MARCHF1: variants seen among roughly 807,000 people sequenced by gnomAD.
MARCHF1 encodes E3 ubiquitin-protein ligase MARCHF1.
A neutral mutation model predicts 54.2 loss-of-function variants in MARCHF1; 40 were observed. That is an observed-to-expected ratio of 0.74 (90% CI 0.57 to 0.96). The LOEUF is 0.96. Ranked by LOEUF, MARCHF1 falls within the 40% of genes least tolerant of loss-of-function variation. The pLI is 0.00. For missense variants in MARCHF1, 586 were observed against 656.5 expected, an observed-to-expected ratio of 0.89 and a Z score of 1.17; for synonymous variants, 236 against 236.3, an observed-to-expected ratio of 1.00 and a Z score of 0.01.
intron 7 of MARCHF1, among the ~76,000 whole-genome samples, chr4:163,608,334 G>C (rs1366768341): frequency 6.6e-6 from 1 of 151,988 alleles, no homozygotes; most frequent in Non-Finnish European, 1.5e-5. Context: ...GTCTTGAAAG[G>C]GGTAGGTCTG....
chr4:164,189,472 C>A (rs1472710531), intron 1 of MARCHF1: 7 of 712,370 alleles, frequency 9.8e-6, no homozygotes, highest in Admixed American at 4.3e-5. Context: ...TGGCTCTACT[C>A]GAATTCCAAA....
chr4:164,213,472 T>C (rs1731839085), intron 1 of MARCHF1, among the ~76,000 whole-genome samples: 1 of 151,788 alleles, frequency 6.6e-6, no homozygotes. Flanking sequence ...CCTGACCTCA[T>C]GATTCGCCTG....
intron 2 of MARCHF1, among the ~76,000 whole-genome samples, chr4:163,990,308 AG>A (rs1391939129): frequency 1.3e-5 from 2 of 152,110 alleles, no homozygotes; most frequent in African/African-American, 4.8e-5. Context: ...ACACATTTTC[AG>A]GAGGGCTGCA....
At chr4:164,219,430 T>C (rs181661555) in intron 1 of MARCHF1, among the ~76,000 whole-genome samples, 3 of 152,276 alleles carry the variant, frequency 2.0e-5, no homozygotes, top group Admixed American at 1.3e-4. Context: ...AGTAGTGATA[T>C]ATGATATAGA....
At chr4:163,534,138 A>G (rs1433918702) in intron 9 of MARCHF1, among the ~76,000 whole-genome samples, 2 of 151,984 alleles carry the variant, frequency 1.3e-5, no homozygotes, top group Non-Finnish European at 2.9e-5. Context: ...ATAAACTTCT[A>G]CTAATCTTTC....
At chr4:164,200,164 G>C (rs1174558299) in intron 1 of MARCHF1, among the ~76,000 whole-genome samples, 1 of 152,134 alleles carries the variant, frequency 6.6e-6, no homozygotes, top group Non-Finnish European at 1.5e-5. Flanking sequence ...TTACCACCTT[G>C]TGTTATTTAT....
At chr4:163,712,906 A>G (rs966270255) in intron 4 of MARCHF1, among the ~76,000 whole-genome samples, 11 of 152,088 alleles carry the variant, frequency 7.2e-5, no homozygotes, top group African/African-American at 2.7e-4. Flanking sequence ...CATTTTACAG[A>G]GCTCTTCTAA....
chr4:164,291,471 T>C (rs1734282153), intron 1 of MARCHF1, among the ~76,000 whole-genome samples: 1 of 152,032 alleles, frequency 6.6e-6, no homozygotes, highest in South Asian at 2.1e-4. Context: ...ATAATTATCA[T>C]TTATTTGAAC....
chr4:163,951,236 A>G (rs910319387), intron 3 of MARCHF1, among the ~76,000 whole-genome samples: 5 of 152,226 alleles, frequency 3.3e-5, no homozygotes, highest in African/African-American at 1.2e-4. Flanking sequence ...CTGTAACTTT[A>G]TCTTTAGGTC....
intron 4 of MARCHF1, among the ~76,000 whole-genome samples, chr4:163,790,451 T>C (rs534993178): frequency 1.3e-4 from 20 of 152,224 alleles, no homozygotes; most frequent in Admixed American, 9.8e-4. Flanking sequence ...CAGATTTTCA[T>C]AGGGTCTCAG....
At chr4:163,643,822 GTTTT>G (rs571862795) in intron 5 of MARCHF1, among the ~76,000 whole-genome samples, 1 of 151,862 alleles carries the variant, frequency 6.6e-6, no homozygotes, top group African/African-American at 2.4e-5. Flanking sequence ...AAGCTTTTAG[GTTTT>G]TTTGTTACAA....
chr4:163,675,082 C>T (rs553691459), intron 5 of MARCHF1, among the ~76,000 whole-genome samples: 1 of 152,030 alleles, frequency 6.6e-6, no homozygotes, highest in Admixed American at 6.6e-5. Flanking sequence ...AAAGGAAAAC[C>T]CTTACCTAGC....
intron 7 of MARCHF1, among the ~76,000 whole-genome samples, chr4:163,608,838 C>T (rs1425986634): frequency 1.3e-5 from 2 of 152,012 alleles, no homozygotes. Flanking sequence ...GGCAAGTTCA[C>T]AGGCAATTGC....
At chr4:164,206,941 ATT>A (rs1560954128) in intron 1 of MARCHF1, among the ~76,000 whole-genome samples, 4 of 152,176 alleles carry the variant, frequency 2.6e-5, no homozygotes, top group African/African-American at 9.6e-5. Flanking sequence ...TACTAAAAAA[ATT>A]GTATTAATTT....
At chr4:163,715,494 G>A (rs1745229335) in intron 4 of MARCHF1, among the ~76,000 whole-genome samples, 1 of 152,144 alleles carries the variant, frequency 6.6e-6, no homozygotes, top group Non-Finnish European at 1.5e-5. Flanking sequence ...AAGCTATACT[G>A]CATCTGTATT....
rs181373382 is a variant in MARCHF1, at chr4:163,682,429, T to C, written c.162+18384A>G. ...TGTCTCTAGGGCACGGCAGAGACCT[T>C]TGTGGCAGCACCTCCCATCACAGGC... On this transcript the variant is annotated intron_variant, in intron 5 of 9. Coordinates refer to ENST00000514618, the MANE Select transcript of MARCHF1 (RefSeq NM_001394959.1). Among the ~76,000 whole-genome samples the C allele has an allele frequency of 2.1e-3, 314 of 152,302 alleles. 7 individuals carry two copies. Among genetic ancestry groups the C allele is most frequent in the Admixed American group, 0.019 (289 of 15,308 alleles).
intron 8 of MARCHF1, among the ~76,000 whole-genome samples, chr4:163,547,394 G>A (rs756736584): frequency 3.9e-5 from 6 of 152,212 alleles, no homozygotes; most frequent in Non-Finnish European, 8.8e-5. Context: ...TTCCAGCAAT[G>A]AGATGTGAGC....
chr4:164,371,155 G>A (rs1731026039), intron 1 of MARCHF1, among the ~76,000 whole-genome samples: 1 of 152,092 alleles, frequency 6.6e-6, no homozygotes, highest in Non-Finnish European at 1.5e-5. Flanking sequence ...GCCAGAGTTA[G>A]CCTCACAAAT....
Position 163,972,312 on chromosome 4 carries a change from C to T in MARCHF1, c.-39+16189G>A, listed in dbSNP as rs185473164. ...TTTATACCTATGTAACAAACCTGCA[C>T]GTTCTGCACATGTATCCCAGAACTT... On this transcript the variant is annotated intron_variant, in intron 3 of 9. Transcript: ENST00000514618. 3.5e-3 allele frequency among the ~76,000 whole-genome samples: 530 copies of T among 152,002 alleles called. 5 individuals are homozygous for T. Among genetic ancestry groups the T allele is most frequent in the African/African-American group, 0.012 (493 of 41,440 alleles).
Sources: gnomAD v4.1 joint callset for allele counts (sites outside exome capture counted in the v4.1 genomes callset) on GRCh38, gnomAD v4.1.1 for gene constraint, MANE v1.5 for transcripts, NCBI Gene and HGNC (gene_info 2026-07-23, HGNC 2026-07-21) for gene names.